MAP4: variants seen among roughly 807,000 people sequenced by gnomAD.
MAP4 encodes the protein microtubule-associated protein 4.
MAP4 carries 76 observed loss-of-function variants against 170.2 expected under a neutral mutation model. That is an observed-to-expected ratio of 0.45 (90% CI 0.37 to 0.54). MAP4 has a LOEUF of 0.54. Among genes scored for constraint, MAP4 ranks in the 20% least tolerant of loss-of-function variants. MAP4 has a pLI of 0.00. For synonymous variants in MAP4, 909 were observed against 994.5 expected (o/e 0.91, Z 1.62); for missense variants, 2,506 against 2,748.0 (o/e 0.91, Z 1.97).
intron 3 of MAP4, among the ~76,000 whole-genome samples, chr3:47,966,943 GT>G (rs1470815947): frequency 1.3e-5 from 2 of 152,150 alleles, no homozygotes; most frequent in African/African-American, 4.8e-5. Context: ...TTTCAAGATT[GT>G]TTTGTCTATT....
intron 3 of MAP4, among the ~76,000 whole-genome samples, chr3:47,954,651 C>T (rs951979679): frequency 1.3e-5 from 2 of 152,154 alleles, no homozygotes; most frequent in Admixed American, 6.5e-5. Context: ...AGAGTGACTA[C>T]GGATTAGAGA....
chr3:47,891,421 C>G, intron 10 of MAP4: 2 of 1,535,448 alleles, frequency 1.3e-6, no homozygotes, highest in Non-Finnish European at 8.7e-7. Context: ...CACCCACAGT[C>G]ATGGAGCGCT....
At chr3:47,897,810 C>T (rs2100027749) in intron 10 of MAP4, among the ~76,000 whole-genome samples, 3 of 151,584 alleles carry the variant, frequency 2.0e-5, no homozygotes, top group African/African-American at 4.9e-5. Flanking sequence ...GGTGTGGTGG[C>T]AGGTACCTGT....
chr3:48,083,556 G>A (rs1317045265), intron 1 of MAP4, among the ~76,000 whole-genome samples: 2 of 151,686 alleles, frequency 1.3e-5, no homozygotes, highest in African/African-American at 4.8e-5. Flanking sequence ...AGTAGAGACG[G>A]GGTTTTTACC....
At chr3:48,083,106 T>C (rs2100147422) in intron 1 of MAP4, among the ~76,000 whole-genome samples, 1 of 152,158 alleles carries the variant, frequency 6.6e-6, no homozygotes, top group African/African-American at 2.4e-5. Flanking sequence ...TTGGATCCTG[T>C]AACAGGAAAA....
intron 1 of MAP4, among the ~76,000 whole-genome samples, chr3:48,046,164 G>A (rs2154544072): frequency 6.6e-6 from 1 of 151,932 alleles, no homozygotes; most frequent in Middle Eastern, 3.4e-3. Flanking sequence ...TTCCACTGTT[G>A]TTACTTTTTG....
At chr3:47,904,816 T>G (rs554948791) in intron 9 of MAP4, among the ~76,000 whole-genome samples, 12 of 151,340 alleles carry the variant, frequency 7.9e-5, no homozygotes, top group Admixed American at 2.0e-4. Flanking sequence ...ATTACAGGCA[T>G]GCAACATCAT....
chr3:47,853,201 C>T lies in MAP4; in HGVS notation c.6848G>A (p.Arg2283Lys). 6.3e-7 allele frequency: 1 copy of T among 1,580,864 alleles called. No individual in the cohort carries two copies. The highest frequency in any genetic ancestry group is 8.6e-7 in the Non-Finnish European group (1 of 1,162,110). Residue 2283 changes from arginine (R) to lysine (K), a missense_variant, in exon 20 of 21, where the codon AGG becomes AAG. Coordinates refer to ENST00000683076, the MANE Select transcript of MAP4 (RefSeq NM_001385682.1). Reference sequence around the variant, plus strand: ...CTGGCTGTCCAAGGTCTGGGCCTCCCTTTGGTCACCACCCCCTGACAGGGT... The same window carrying T: ...CTGGCTGTCCAAGGTCTGGGCCTCCTTTTGGTCACCACCCCCTGACAGGGT... ...HPTLSGGGDQ[R>K]EAQTLDSQIQ...
At chr3:48,004,730 T>C (rs2100101259) in intron 1 of MAP4, among the ~76,000 whole-genome samples, 1 of 152,154 alleles carries the variant, frequency 6.6e-6, no homozygotes, top group South Asian at 2.1e-4. Flanking sequence ...GGAATGGGGA[T>C]GTGTGGGAGG....
chr3:47,897,393 C>T (rs764894834), intron 10 of MAP4, among the ~76,000 whole-genome samples: 1 of 152,102 alleles, frequency 6.6e-6, no homozygotes, highest in Non-Finnish European at 1.5e-5. Flanking sequence ...TCCCCAAGTG[C>T]TGGGATTACA....
intron 19 of MAP4, among the ~76,000 whole-genome samples, chr3:47,854,965 C>T (rs962085703): frequency 3.3e-5 from 5 of 152,216 alleles, no homozygotes; most frequent in African/African-American, 1.2e-4. Context: ...AGTCCGTGGC[C>T]TTCTCAAATG....
intron 3 of MAP4, among the ~76,000 whole-genome samples, chr3:47,976,376 T>C (rs888180561): frequency 6.6e-6 from 1 of 152,234 alleles, no homozygotes; most frequent in Non-Finnish European, 1.5e-5. Context: ...CATGACTTCC[T>C]ACTGGAGAAG....
chr3:48,035,815 CT>C (rs1455803364), intron 1 of MAP4, among the ~76,000 whole-genome samples: 1 of 151,996 alleles, frequency 6.6e-6, no homozygotes, highest in Non-Finnish European at 1.5e-5. Flanking sequence ...TGGCACACAC[CT>C]GTAATCCCAG....
intron 9 of MAP4, among the ~76,000 whole-genome samples, chr3:47,907,091 T>C (rs552907216): frequency 5.9e-5 from 9 of 152,262 alleles, no homozygotes; most frequent in Admixed American, 3.3e-4. Context: ...TGCCTCGGCC[T>C]CCCAAAGTGC....
At chr3:47,906,655 C>T (rs1399735761) in intron 9 of MAP4, among the ~76,000 whole-genome samples, 3 of 149,196 alleles carry the variant, frequency 2.0e-5, no homozygotes, top group Non-Finnish European at 3.0e-5. Context: ...TGCACTCCTT[C>T]GTGGGCAATG....
intron 1 of MAP4, among the ~76,000 whole-genome samples, chr3:48,030,488 A>T (rs979708444): frequency 3.5e-4 from 8 of 22,930 alleles, no homozygotes; most frequent in African/African-American, 4.5e-4. Flanking sequence ...ATAAAAATAA[A>T]AAAAAAAAAA....
chr3:47,934,696 CTTGTTTTT>C (rs1276354103), intron 3 of MAP4, among the ~76,000 whole-genome samples: 4 of 152,158 alleles, frequency 2.6e-5, no homozygotes, highest in Admixed American at 6.5e-5. Flanking sequence ...CAGCTCTTTC[CTTGTTTTT>C]TTGTTTTTTT....
intron 7 of MAP4, among the ~76,000 whole-genome samples, chr3:47,915,528 T>C (rs570657151): frequency 6.6e-6 from 1 of 152,166 alleles, no homozygotes; most frequent in South Asian, 2.1e-4. Flanking sequence ...GAAGAATACA[T>C]GGGGCAATAT....
chr3:48,037,445 G>A (rs978198861), intron 1 of MAP4, among the ~76,000 whole-genome samples: 1 of 151,994 alleles, frequency 6.6e-6, no homozygotes, highest in African/African-American at 2.4e-5. Context: ...TCAGGCTGGC[G>A]TGCAGTGACA....
Sources: allele counts gnomAD v4.1 joint callset (sites outside exome capture counted in the v4.1 genomes callset), GRCh38; gene constraint gnomAD v4.1.1; transcripts MANE v1.5; gene names NCBI Gene and HGNC (gene_info 2026-07-23, HGNC 2026-07-21).